The following DENND4C variants were observed in gnomAD, a reference collection of about 807,000 sequenced individuals.
DENND4C encodes the protein DENN domain-containing protein 4C.
In DENND4C, 108 loss-of-function variants were observed where a neutral mutation model predicts 203.0. That is an observed-to-expected ratio of 0.53 (90% CI 0.46 to 0.62). The LOEUF (loss-of-function observed/expected upper bound fraction) is 0.62. Ranked by LOEUF, DENND4C falls within the 20% of genes least tolerant of loss-of-function variation. DENND4C has a pLI of 0.00. For missense variants in DENND4C, 2,481 were observed against 2,301.2 expected, an observed-to-expected ratio of 1.08 and a Z score of -1.60; for synonymous variants, 871 against 792.4, an observed-to-expected ratio of 1.10 and a Z score of -1.67.
chr9:19,256,534 C>T (rs1033544488), intron 1 of DENND4C, among the ~76,000 whole-genome samples: 3 of 151,666 alleles, frequency 2.0e-5, no homozygotes, highest in South Asian at 2.1e-4. Flanking sequence ...AGGCTGGTCA[C>T]GAGCTCCCAA....
rs563702236 is a variant in DENND4C, at chr9:19,270,315, ATC to A, written c.-17-5841_-17-5840del. 9.9e-5 allele frequency among the ~76,000 whole-genome samples: 15 copies of A among 152,260 alleles called. No individual in the cohort carries two copies. In the South Asian group the frequency reaches 3.1e-3, roughly 32 times the overall value. ...GGGCTCTTTATTCAGCGGGTTGTGA[ATC>A]TAGCCAGGCTTGTGTTTTTCCCTTC... is the stretch of plus-strand genomic sequence containing the variant. On this transcript the variant is annotated intron_variant, in intron 1 of 32. Transcript: ENST00000434457.
intron 10 of DENND4C, among the ~76,000 whole-genome samples, chr9:19,314,242 CAGGAG>C (rs1406364764): frequency 6.6e-6 from 1 of 152,070 alleles, no homozygotes; most frequent in Admixed American, 6.5e-5. Flanking sequence ...ATCACGAGGT[CAGGAG>C]ATCGAGACCA....
intron 25 of DENND4C, 139 bp downstream of exon 25, chr9:19,352,321 T>A: frequency 9.7e-7 from 1 of 1,030,120 alleles, no homozygotes; most frequent in Non-Finnish European, 1.4e-6. Context: ...CTTGATGTCT[T>A]ATGTAAGTAA....
chr9:19,327,526 T>C (rs1019554955), intron 15 of DENND4C, among the ~76,000 whole-genome samples: 4 of 152,020 alleles, frequency 2.6e-5, no homozygotes, highest in Non-Finnish European at 5.9e-5. Flanking sequence ...CACAAAGATA[T>C]ACATATGAAA....
chr9:19,276,836 G>A (rs1832984137), intron 2 of DENND4C, among the ~76,000 whole-genome samples: 1 of 152,144 alleles, frequency 6.6e-6, no homozygotes, highest in South Asian at 2.1e-4. Context: ...TTAAGGAGTT[G>A]CTTGGGTTAT....
chr9:19,233,580 A>G (rs1479653455), intron 1 of DENND4C, among the ~76,000 whole-genome samples: 7 of 54,152 alleles, frequency 1.3e-4, no homozygotes, highest in Non-Finnish European at 2.3e-4. Flanking sequence ...TTTTTTTTTG[A>G]GATGTAGTCT....
chr9:19,251,492 TC>T (rs1826584800), intron 1 of DENND4C, among the ~76,000 whole-genome samples: 1 of 152,232 alleles, frequency 6.6e-6, no homozygotes, highest in Non-Finnish European at 1.5e-5. Context: ...ATTCCACTCT[TC>T]GTTACTTATG....
intron 1 of DENND4C, among the ~76,000 whole-genome samples, chr9:19,243,281 G>A (rs1824233096): frequency 6.6e-6 from 1 of 152,100 alleles, no homozygotes; most frequent in African/African-American, 2.4e-5. Context: ...TTTCATTTAG[G>A]ATAGTGTTTT....
intron 12 of DENND4C, 126 bp downstream of exon 12, chr9:19,316,965 A>C: frequency 1.1e-6 from 1 of 869,816 alleles, no homozygotes. Context: ...ATGAACCTCC[A>C]TGTATTTGTA....
intron 1 of DENND4C, among the ~76,000 whole-genome samples, chr9:19,267,589 T>A (rs1830769052): frequency 2.0e-5 from 3 of 152,086 alleles, no homozygotes; most frequent in Admixed American, 2.0e-4. Context: ...CAGGCTGGAG[T>A]GCAGTGGTGT....
At chr9:19,321,869 A>T (rs560575510) in intron 12 of DENND4C, among the ~76,000 whole-genome samples, 23 of 149,108 alleles carry the variant, frequency 1.5e-4, no homozygotes, top group Admixed American at 3.3e-4. Flanking sequence ...GCTAATAGAG[A>T]GGGAGATTTA....
intron 21 of DENND4C, 123 bp from the exon 22 acceptor site, chr9:19,342,510 C>G (rs574344477): frequency 2.0e-6 from 2 of 1,020,402 alleles, no homozygotes; most frequent in African/African-American, 3.3e-5. Flanking sequence ...TACTTTGTGT[C>G]TAAAGTAAAA....
chr9:19,340,595 G>A (rs891666199), intron 20 of DENND4C, among the ~76,000 whole-genome samples: 1 of 151,998 alleles, frequency 6.6e-6, no homozygotes, highest in African/African-American at 2.4e-5. Flanking sequence ...ACCCTGGTAG[G>A]TAACCATCTT....
At chr9:19,329,956 A>T (rs1016021054) in intron 16 of DENND4C, among the ~76,000 whole-genome samples, 4 of 152,184 alleles carry the variant, frequency 2.6e-5, no homozygotes, top group African/African-American at 9.7e-5. Flanking sequence ...CATTTTGGGG[A>T]TATTTAAAAT....
intron 1 of DENND4C, among the ~76,000 whole-genome samples, chr9:19,231,964 G>C (rs750581017): frequency 6.6e-5 from 10 of 152,150 alleles, no homozygotes; most frequent in Admixed American, 6.5e-5. Flanking sequence ...TACTTGATTT[G>C]ATGTGATAGT....
At chr9:19,244,069 C>T (rs544986365) in intron 1 of DENND4C, among the ~76,000 whole-genome samples, 8 of 152,162 alleles carry the variant, frequency 5.3e-5, no homozygotes, top group Admixed American at 3.9e-4. Flanking sequence ...CTTACTCTGC[C>T]GCCCAGGCTG....
intron 10 of DENND4C, among the ~76,000 whole-genome samples, chr9:19,308,606 T>G (rs981304747): frequency 6.6e-6 from 1 of 152,232 alleles, no homozygotes; most frequent in Admixed American, 6.5e-5. Context: ...TCTCCCACAT[T>G]GTGACCTGTC....
intron 30 of DENND4C, among the ~76,000 whole-genome samples, chr9:19,368,748 T>G (rs1828197233): frequency 1.4e-5 from 2 of 146,826 alleles, no homozygotes. Context: ...TGCAGTGAGC[T>G]GTGATTGCAC....
intron 15 of DENND4C, among the ~76,000 whole-genome samples, chr9:19,326,769 A>G (rs1817923066): frequency 6.6e-6 from 1 of 152,072 alleles, no homozygotes; most frequent in Non-Finnish European, 1.5e-5. Context: ...GTGTGTGTGT[A>G]TGTATTGCAT....
Sources: allele counts gnomAD v4.1 joint callset (sites outside exome capture counted in the v4.1 genomes callset), GRCh38; gene constraint gnomAD v4.1.1; transcripts MANE v1.5; gene names NCBI Gene and HGNC (gene_info 2026-07-23, HGNC 2026-07-21).